The following ZCWPW1 variants were observed in gnomAD, a reference collection of about 807,000 sequenced individuals.
The protein encoded by ZCWPW1 is zinc finger CW-type PWWP domain protein 1.
A neutral mutation model predicts 81.3 loss-of-function variants in ZCWPW1; 56 were observed. That is an observed-to-expected ratio of 0.69 (90% confidence interval 0.56 to 0.86). The LOEUF (loss-of-function observed/expected upper bound fraction) is 0.86. ZCWPW1 is among the 40% of genes least tolerant of loss of function. The probability of loss-of-function intolerance (pLI) is 0.00; values close to 1 mark genes in which losing one functional copy is unlikely to be tolerated. For synonymous variants in ZCWPW1, 250 were observed against 273.7 expected (o/e 0.91, Z 0.86); for missense variants, 650 against 769.8 (o/e 0.84, Z 1.84).
intron 1 of ZCWPW1, among the ~76,000 whole-genome samples, chr7:100,426,743 C>G (rs1797446603): frequency 7.4e-6 from 1 of 134,698 alleles, no homozygotes; most frequent in African/African-American, 2.8e-5. Flanking sequence ...CTTCCTCCCC[C>G]TCCTTCTCTC....
At chr7:100,420,274 A>G (rs956751936) in intron 3 of ZCWPW1, among the ~76,000 whole-genome samples, 1 of 152,220 alleles carries the variant, frequency 6.6e-6, no homozygotes, top group Non-Finnish European at 1.5e-5. Flanking sequence ...CAAAATCTAT[A>G]AATTATTCAC....
intron 7 of ZCWPW1, 80 bp downstream of exon 7, chr7:100,416,225 A>G: frequency 6.3e-7 from 1 of 1,590,624 alleles, no homozygotes; most frequent in Non-Finnish European, 8.6e-7. Flanking sequence ...GAAAATTCTC[A>G]GCCTGCCCAT....
intron 17 of ZCWPW1, among the ~76,000 whole-genome samples, chr7:100,401,552 A>G (rs1369503975): frequency 6.6e-6 from 1 of 152,190 alleles, no homozygotes; most frequent in Non-Finnish European, 1.5e-5. Flanking sequence ...TTTGAGCCTC[A>G]GTTTTCTAAT....
chr7:100,419,960 G>T, intron 3 of ZCWPW1, 77 bp from the exon 4 acceptor site: 3 of 1,204,674 alleles, frequency 2.5e-6, no homozygotes, highest in African/African-American at 1.5e-5. Flanking sequence ...CCTTTGACTA[G>T]CCATAACAGA....
At chr7:100,411,239 T>C (rs1344458733) in intron 8 of ZCWPW1, among the ~76,000 whole-genome samples, 1 of 144,048 alleles carries the variant, frequency 6.9e-6, no homozygotes, top group Non-Finnish European at 1.5e-5. Context: ...CTTTTCAAAA[T>C]ATCACATATA....
intron 3 of ZCWPW1, 42 bp downstream of exon 3, chr7:100,420,580 G>GAGAGAAATGTATGA: frequency 6.2e-7 from 1 of 1,613,156 alleles, no homozygotes; most frequent in Non-Finnish European, 8.5e-7. Flanking sequence ...GGAGAAAAAT[G>GAGAGAAATGTATGA]AGAGAAATGT....
At chr7:100,421,880 C>T (rs1418161916) in intron 2 of ZCWPW1, among the ~76,000 whole-genome samples, 7 of 152,050 alleles carry the variant, frequency 4.6e-5, no homozygotes, top group Admixed American at 1.3e-4. Flanking sequence ...TTAGTAGAGA[C>T]GGAGTTTCTC....
intron 8 of ZCWPW1, among the ~76,000 whole-genome samples, chr7:100,414,565 C>T (rs1437590903): frequency 6.6e-6 from 1 of 152,060 alleles, no homozygotes; most frequent in Non-Finnish European, 1.5e-5. Context: ...ACAGGCACTA[C>T]CACTACATCC....
intron 15 of ZCWPW1, among the ~76,000 whole-genome samples, chr7:100,403,175 G>C (rs1792273791): frequency 6.6e-6 from 1 of 151,702 alleles, no homozygotes; most frequent in Non-Finnish European, 1.5e-5. Context: ...GATCCTTACA[G>C]AAAGCTCCTG....
Position 100,401,294 on chromosome 7 carries a change from G to A in ZCWPW1, c.1670C>T (p.Ala557Val). The A allele has an allele frequency of 6.3e-7, 1 of 1,597,822 alleles. No individual in the cohort carries two copies. The highest frequency in any genetic ancestry group is 8.5e-7 in the Non-Finnish European group (1 of 1,171,442). Reference protein sequence around the residue: ...KFKAPQSKALAASFSEGKEVR... With the variant: ...KFKAPQSKALVASFSEGKEVR... ...TTCTTTTCCCTCTGAAAAGCTGGCT[G>A]CCAAGGCCTTGCTCTGGGGAGCTTT... Residue 557 changes from alanine (A) to valine (V), a missense_variant, in exon 18 of 18, where the codon GCA becomes GTA. Coordinates refer to ENST00000684423, the MANE Select transcript of ZCWPW1 (RefSeq NM_001386010.1).
intron 11 of ZCWPW1, 98 bp downstream of exon 11, chr7:100,407,130 G>T: frequency 8.9e-7 from 1 of 1,122,802 alleles, no homozygotes; most frequent in Non-Finnish European, 1.3e-6. Context: ...ACTTGTGTCT[G>T]CTGGCTATGT....
chr7:100,415,847 T>A, intron 8 of ZCWPW1, 128 bp downstream of exon 8: 1 of 1,263,890 alleles, frequency 7.9e-7, no homozygotes, highest in Non-Finnish European at 1.1e-6. Flanking sequence ...GGCAGCATAT[T>A]CTGCAACAAG....
intron 17 of ZCWPW1, 34 bp from the exon 18 acceptor site, chr7:100,401,370 T>C (rs775727602): frequency 1.3e-6 from 2 of 1,504,078 alleles, no homozygotes; most frequent in South Asian, 1.4e-5. Flanking sequence ...AAGAGTCCTA[T>C]TAGGTCAGCC....
chr7:100,401,233 C>A lies in ZCWPW1; in HGVS notation c.1731G>T (p.Ala577=). 1 of 1,614,250 alleles carries A rather than the reference C, an allele frequency of 6.2e-7. No homozygotes were observed. Among genetic ancestry groups the A allele is most frequent in the Non-Finnish European group, 8.5e-7 (1 of 1,180,044 alleles). The change falls in exon 18 of 18, where the codon GCG becomes GCT. Residue 577 remains alanine, a synonymous_variant. Transcript: ENST00000684423. ...RTVPKNLGLS[A]CKGACPSSAK... is the part of the protein sequence containing the mutation. ...CAGATGAGGGGCAGGCCCCCTTACA[C>A]GCTGATAGGCCCAGGTTCTTTGGCA...
chr7:100,423,885 GT>G (rs1446231400), intron 2 of ZCWPW1, among the ~76,000 whole-genome samples: 1 of 151,916 alleles, frequency 6.6e-6, no homozygotes, highest in East Asian at 1.9e-4. Context: ...CCTGTTCAAC[GT>G]GGCGAAACCC....
intron 10 of ZCWPW1, among the ~76,000 whole-genome samples, chr7:100,407,775 C>T (rs1014944252): frequency 3.3e-5 from 5 of 152,068 alleles, no homozygotes; most frequent in Non-Finnish European, 7.4e-5. Flanking sequence ...CTGAATGACT[C>T]GTGAGAAAGT....
chr7:100,410,926 A>G (rs1042585560), intron 8 of ZCWPW1, among the ~76,000 whole-genome samples: 2 of 152,188 alleles, frequency 1.3e-5, no homozygotes, highest in African/African-American at 4.8e-5. Flanking sequence ...TCTCTTGTAG[A>G]CACCTTCAGC....
At chr7:100,408,783 C>A in intron 9 of ZCWPW1, 124 bp from the exon 10 acceptor site, 1 of 1,158,678 alleles carries the variant, frequency 8.6e-7, no homozygotes, top group African/African-American at 1.6e-5. Context: ...AAAGGGGCAC[C>A]TGGGAGATCA....
chr7:100,411,116 A>G (rs1794072527), intron 8 of ZCWPW1, among the ~76,000 whole-genome samples: 1 of 152,168 alleles, frequency 6.6e-6, no homozygotes, highest in African/African-American at 2.4e-5. Context: ...TTTCTCCAGT[A>G]AGTTCACTCT....
Sources: gnomAD v4.1 joint callset for allele counts (sites outside exome capture counted in the v4.1 genomes callset) on GRCh38, gnomAD v4.1.1 for gene constraint, MANE v1.5 for transcripts, NCBI Gene and HGNC (gene_info 2026-07-23, HGNC 2026-07-21) for gene names.